Variants in GPR137C observed in about 807,000 individuals in gnomAD.
GPR137C encodes integral membrane protein GPR137C.
A neutral mutation model predicts 43.4 loss-of-function variants in GPR137C; 27 were observed. That is an observed-to-expected ratio of 0.62 (90% CI 0.46 to 0.86). GPR137C has a LOEUF of 0.86. Among genes scored for constraint, GPR137C ranks in the 40% least tolerant of loss-of-function variants. The pLI, the probability that GPR137C is intolerant of heterozygous loss-of-function variation, is 0.00. For synonymous variants in GPR137C, 285 were observed against 226.9 expected (o/e 1.26, Z -2.30); for missense variants, 522 against 534.6 (o/e 0.98, Z 0.23).
At chr14:52,594,895 T>C (rs1444143868) in intron 1 of GPR137C, among the ~76,000 whole-genome samples, 1 of 152,238 alleles carries the variant, frequency 6.6e-6, no homozygotes, top group Admixed American at 6.5e-5. Flanking sequence ...CGTTAATTGA[T>C]GCAGTTACTT....
intron 3 of GPR137C, among the ~76,000 whole-genome samples, chr14:52,630,306 C>T (rs182607367): frequency 1.3e-5 from 2 of 152,098 alleles, no homozygotes; most frequent in Admixed American, 6.5e-5. Flanking sequence ...GTCATATTTC[C>T]CAAAGCAGTG....
At chr14:52,599,982 T>G in intron 2 of GPR137C, 131 bp from the exon 3 acceptor site, 1 of 640,858 alleles carries the variant, frequency 1.6e-6, no homozygotes, top group South Asian at 2.0e-5. Context: ...GAATAAATGC[T>G]TAAAAATCTA....
intron 1 of GPR137C, among the ~76,000 whole-genome samples, chr14:52,559,501 A>T (rs371493483): frequency 6.6e-6 from 1 of 152,246 alleles, no homozygotes; most frequent in Non-Finnish European, 1.5e-5. Flanking sequence ...AAATTCAACC[A>T]TAGATGATTT....
chr14:52,633,211 AAT>A (rs1443675528), intron 4 of GPR137C, among the ~76,000 whole-genome samples: 6 of 152,244 alleles, frequency 3.9e-5, no homozygotes, highest in African/African-American at 1.4e-4. Flanking sequence ...CTGGAACAGT[AAT>A]GTCTTTAAAA....
Position 52,601,764 on chromosome 14 carries a change from T to C in GPR137C, c.717+1423T>C, listed in dbSNP as rs151302410. On this transcript the variant is annotated intron_variant, in intron 3 of 6. Transcript: ENST00000321662. ...ATAGAATTCATACCTGTTGCTTGTC[T>C]AGGGATAAAGCATAAATAGATGTTG... Among the ~76,000 whole-genome samples the C allele has an allele frequency of 4.7e-3, 711 of 152,084 alleles. 5 individuals carry two copies. Among genetic ancestry groups the C allele is most frequent in the African/African-American group, 0.016 (672 of 41,514 alleles).
intron 1 of GPR137C, among the ~76,000 whole-genome samples, chr14:52,577,076 A>G (rs2038565270): frequency 1.4e-5 from 2 of 148,066 alleles, no homozygotes; most frequent in Non-Finnish European, 3.0e-5. Flanking sequence ...CAGCTACTCT[A>G]CTCAGGAGGC....
chr14:52,606,667 C>G (rs968683741), intron 3 of GPR137C, among the ~76,000 whole-genome samples: 4 of 152,080 alleles, frequency 2.6e-5, no homozygotes, highest in Admixed American at 1.3e-4. Context: ...TCTTTTCATC[C>G]TTAGTTTTAA....
At chr14:52,565,742 A>G (rs1264560727) in intron 1 of GPR137C, among the ~76,000 whole-genome samples, 6 of 152,194 alleles carry the variant, frequency 3.9e-5, no homozygotes, top group Non-Finnish European at 7.4e-5. Context: ...TTAAATAAAG[A>G]CAAACTTCTA....
chr14:52,588,904 T>A (rs958270982), intron 1 of GPR137C, among the ~76,000 whole-genome samples: 1 of 152,212 alleles, frequency 6.6e-6, no homozygotes, highest in South Asian at 2.1e-4. Context: ...TTCTCTCAAA[T>A]GATTTTTTGA....
chr14:52,609,252 TTTGA>T (rs1258874545), intron 3 of GPR137C, among the ~76,000 whole-genome samples: 3 of 152,258 alleles, frequency 2.0e-5, no homozygotes, highest in African/African-American at 7.2e-5. Flanking sequence ...TGAGTTTCTG[TTTGA>T]TTGTTTTTAT....
intron 3 of GPR137C, among the ~76,000 whole-genome samples, chr14:52,615,048 G>T (rs2039083258): frequency 6.6e-6 from 1 of 152,142 alleles, no homozygotes; most frequent in Non-Finnish European, 1.5e-5. Context: ...CCAATGTCTT[G>T]GAGAGTTTCC....
At chr14:52,579,789 G>A (rs28535658) in intron 1 of GPR137C, among the ~76,000 whole-genome samples, 5,889 of 152,284 alleles carry the variant, frequency 0.039, 368 homozygotes, top group African/African-American at 0.13. Context: ...GTGAGATGGT[G>A]TCTACCACAG....
chr14:52,599,561 A>C (rs543421864), intron 2 of GPR137C, among the ~76,000 whole-genome samples: 1 of 151,784 alleles, frequency 6.6e-6, no homozygotes, highest in South Asian at 2.1e-4. Flanking sequence ...AGCCTCCTGA[A>C]TAGCTGGGAC....
rs2038908967 is a variant in GPR137C at position 52,600,308 on chromosome 14, A to G, written c.684A>G (p.Lys228=). ...SLVCYICKIT[K]MSSANVYLES... ...TGTGTTACATATGCAAAATTACAAA[A>G]ATGTCATCAGCTAATGTCTACCTCG... is the stretch of plus-strand genomic sequence containing the variant. Residue 228 remains lysine (K), a synonymous_variant, in exon 3 of 7, where the codon AAA becomes AAG. Coordinates refer to ENST00000321662, the MANE Select transcript of GPR137C (RefSeq NM_001099652.2). 1.9e-6 allele frequency: 3 copies of G among 1,608,486 alleles called. No homozygotes were observed. The highest frequency in any genetic ancestry group is 2.6e-6 in the Non-Finnish European group (3 of 1,175,436).
chr14:52,604,708 A>G (rs2038964872), intron 3 of GPR137C, among the ~76,000 whole-genome samples: 1 of 152,166 alleles, frequency 6.6e-6, no homozygotes, highest in African/African-American at 2.4e-5. Flanking sequence ...TTGGCCTCCC[A>G]AAGTGCCAGG....
At chr14:52,617,665 C>T (rs763659553) in intron 3 of GPR137C, among the ~76,000 whole-genome samples, 12 of 152,036 alleles carry the variant, frequency 7.9e-5, no homozygotes, top group Admixed American at 5.2e-4. Context: ...GGCAACAGAG[C>T]GAGAGTCCTT....
intron 1 of GPR137C, among the ~76,000 whole-genome samples, chr14:52,554,375 A>G (rs1391913833): frequency 6.6e-6 from 1 of 152,196 alleles, no homozygotes; most frequent in Non-Finnish European, 1.5e-5. Flanking sequence ...CTTGCTTAAT[A>G]TCTGGAACCT....
intron 3 of GPR137C, among the ~76,000 whole-genome samples, chr14:52,629,333 C>T (rs1298507452): frequency 6.6e-6 from 1 of 152,210 alleles, no homozygotes; most frequent in Non-Finnish European, 1.5e-5. Context: ...TTCAAAGACT[C>T]TATCTAACTG....
intron 2 of GPR137C, 74 bp from the exon 3 acceptor site, chr14:52,600,039 T>C (rs2038904757): frequency 1.1e-6 from 1 of 950,122 alleles, no homozygotes; most frequent in African/African-American, 1.6e-5. Context: ...GTACCTAACA[T>C]AACACACTAA....
Sources: gnomAD v4.1 joint callset for allele counts (sites outside exome capture counted in the v4.1 genomes callset) on GRCh38, gnomAD v4.1.1 for gene constraint, MANE v1.5 for transcripts, NCBI Gene and HGNC (gene_info 2026-07-23, HGNC 2026-07-21) for gene names.